ENTHD1: variants seen among roughly 807,000 people sequenced by gnomAD.
The protein encoded by ENTHD1 is ENTH domain-containing protein 1.
Under a neutral mutation model 39.1 loss-of-function variants are expected in ENTHD1, and 23 were observed. The ratio of observed to expected loss-of-function variants is 0.59; its 90% CI spans 0.42 to 0.83. The LOEUF (loss-of-function observed/expected upper bound fraction) is 0.83. ENTHD1 is among the 40% of genes least tolerant of loss of function. The pLI is 0.00. For synonymous variants in ENTHD1, 230 were observed against 258.2 expected (o/e 0.89, Z 1.05); for missense variants, 624 against 705.4 (o/e 0.88, Z 1.31).
rs1459550708 is a variant in ENTHD1 at position 39,743,566 on chromosome 22, A to G, written c.*113T>C. On this transcript the variant is annotated 3_prime_UTR_variant, in exon 7 of 7. Coordinates refer to ENST00000325157, the MANE Select transcript of ENTHD1 (RefSeq NM_152512.4). ...ATACTTGCTAATAAACCTGACAAGGAAAAATTAAACCATCCCCTTTTTTGC... is the reference window on the plus strand; with the variant it reads ...ATACTTGCTAATAAACCTGACAAGGGAAAATTAAACCATCCCCTTTTTTGC... The G allele has an allele frequency of 2.3e-6, 3 of 1,287,610 alleles. No homozygotes were observed. The East Asian group carries it at 7.6e-5, about 32-fold the overall frequency. The allele number at this position is 1,287,610 out of a possible 1,614,324, so 79.8% of individuals were successfully genotyped here.
chr22:39,749,535 A>T (rs2065132284), intron 6 of ENTHD1, among the ~76,000 whole-genome samples: 1 of 152,218 alleles, frequency 6.6e-6, no homozygotes, highest in East Asian at 1.9e-4. Context: ...AATAATTAAA[A>T]ACTCTTATGA....
At position 39,875,664 on chromosome 22, in the gene ENTHD1, T is replaced by C. The variant is rs1376411235; in HGVS notation, c.349+11736A>G. ...GTAACTGGAGTAACTACTGTGGGTGTCGCATATGCTGCCAAGAATGCCGTC... is the reference window on the plus strand; with the variant it reads ...GTAACTGGAGTAACTACTGTGGGTGCCGCATATGCTGCCAAGAATGCCGTC... On this transcript the variant is annotated intron_variant, in intron 2 of 6. Transcript: ENST00000325157. 49 of 1,612,040 alleles carry C rather than the reference T, an allele frequency of 3.0e-5. 1 individual carries two copies. Among genetic ancestry groups the C allele is most frequent in the Non-Finnish European group, 3.9e-5 (46 of 1,179,098 alleles).
chr22:39,825,114 A>G (rs2065816645), intron 4 of ENTHD1, among the ~76,000 whole-genome samples: 1 of 152,174 alleles, frequency 6.6e-6, no homozygotes, highest in African/African-American at 2.4e-5. Context: ...ATAATTCTCA[A>G]CATATGGACT....
intron 6 of ENTHD1, chr22:39,750,091 G>T: frequency 5.1e-6 from 1 of 195,190 alleles, no homozygotes; most frequent in Admixed American, 4.7e-5. Flanking sequence ...TCCTTGAATT[G>T]GCTTCTGTAT....
Position 39,744,182 on chromosome 22 carries a change from G to T in ENTHD1, c.1321C>A (p.Leu441Met). The change falls in exon 7 of 7, where the codon CTG becomes ATG. Residue 441 changes from leucine to methionine, a missense_variant. Leu to Met is a conservative substitution (Grantham distance 15, BLOSUM62 2). Transcript: ENST00000325157. ...AGAGTCCAGAAGGAAGGTCCGGCCAGAATTGGTGATAAGAGATGAGCTGAC... is the reference window on the plus strand; with the variant it reads ...AGAGTCCAGAAGGAAGGTCCGGCCATAATTGGTGATAAGAGATGAGCTGAC... ...EKSAHLLSPI[L>M]AGPSFWTLSH... 6.2e-7 allele frequency: 1 copy of T among 1,614,140 alleles called. No individual in the cohort carries two copies. The highest frequency in any genetic ancestry group is 8.5e-7 in the Non-Finnish European group (1 of 1,179,990).
At chr22:39,754,550 C>T (rs1215397831) in intron 6 of ENTHD1, among the ~76,000 whole-genome samples, 2 of 152,222 alleles carry the variant, frequency 1.3e-5, no homozygotes, top group Non-Finnish European at 2.9e-5. Context: ...CACACAAAGG[C>T]TCAATACATC....
chr22:39,750,238 T>G (rs1022630195), intron 6 of ENTHD1: 1 of 189,910 alleles, frequency 5.3e-6, no homozygotes, highest in Non-Finnish European at 1.2e-5. Context: ...GTTAGAACCT[T>G]GTTGAAGGCA....
chr22:39,826,091 C>G (rs147840040), intron 4 of ENTHD1, among the ~76,000 whole-genome samples: 1 of 152,294 alleles, frequency 6.6e-6, no homozygotes, highest in African/African-American at 2.4e-5. Context: ...CCATGTTGGC[C>G]AGGCTGGTCT....
intron 5 of ENTHD1, among the ~76,000 whole-genome samples, chr22:39,811,138 G>T (rs1178479393): frequency 6.6e-6 from 1 of 152,216 alleles, no homozygotes; most frequent in East Asian, 1.9e-4. Flanking sequence ...CCACTGGTCT[G>T]GAGCATGTCA....
chr22:39,808,606 T>A (rs1013013842), intron 5 of ENTHD1, among the ~76,000 whole-genome samples: 1 of 152,242 alleles, frequency 6.6e-6, no homozygotes, highest in Non-Finnish European at 1.5e-5. Context: ...AGGGGTTGTA[T>A]GACATTGTTA....
At chr22:39,857,122 T>G (rs552539156) in intron 3 of ENTHD1, among the ~76,000 whole-genome samples, 1 of 152,194 alleles carries the variant, frequency 6.6e-6, no homozygotes, top group Admixed American at 6.5e-5. Flanking sequence ...GTCATAAAGA[T>G]GGAGAATATC....
intron 6 of ENTHD1, among the ~76,000 whole-genome samples, chr22:39,763,451 A>G (rs2065251328): frequency 6.6e-6 from 1 of 152,108 alleles, no homozygotes; most frequent in Non-Finnish European, 1.5e-5. Flanking sequence ...TGAAAGCTCA[A>G]ACTCCTACCG....
chr22:39,837,337 G>C (rs1451378881), intron 3 of ENTHD1, among the ~76,000 whole-genome samples: 1 of 152,146 alleles, frequency 6.6e-6, no homozygotes, highest in Non-Finnish European at 1.5e-5. Flanking sequence ...ACCAAAAACT[G>C]ATCTGCCTGA....
intron 5 of ENTHD1, among the ~76,000 whole-genome samples, chr22:39,786,164 T>A (rs2146593404): frequency 6.6e-6 from 1 of 152,266 alleles, no homozygotes; most frequent in East Asian, 1.9e-4. Context: ...TCCATTCTAC[T>A]CCCTGTCTTC....
chr22:39,893,042 C>T (rs1008336659), intron 1 of ENTHD1, among the ~76,000 whole-genome samples: 1 of 152,166 alleles, frequency 6.6e-6, no homozygotes, highest in African/African-American at 2.4e-5. Flanking sequence ...ACAGTCCTCA[C>T]ACCCTGGAGT....
Position 39,867,418 on chromosome 22 carries a change from C to A in ENTHD1, c.350-5411G>T, listed in dbSNP as rs2066192894. Among the ~76,000 whole-genome samples, 1 of 151,974 alleles carries A rather than the reference C, an allele frequency of 6.6e-6. No homozygotes were observed. The highest frequency in any genetic ancestry group is 1.5e-5 in the Non-Finnish European group (1 of 67,984). On this transcript the variant is annotated intron_variant, in intron 2 of 6. Coordinates refer to ENST00000325157, the MANE Select transcript of ENTHD1 (RefSeq NM_152512.4). The surrounding 1 kb of genome is among the most constrained non-coding windows in gnomAD (Gnocchi z 4.5). ...TGCCCTACCAAAATCTACTCTTCTT[C>A]CCATATTCCTTTCTCGGTGACTTTT... is the stretch of plus-strand genomic sequence containing the variant.
At chr22:39,798,578 T>C in intron 5 of ENTHD1, among the ~76,000 whole-genome samples, 1 of 152,190 alleles carries the variant, frequency 6.6e-6, no homozygotes. Flanking sequence ...TGGCAAGCTT[T>C]TTCTCGGGAC....
rs770151688 is a variant in ENTHD1, at chr22:39,835,868, A to C, written c.683T>G (p.Leu228Arg). Residue 228 changes from leucine to arginine, a missense_variant, in exon 4 of 7, where the codon CTC (leucine) becomes CGC (arginine). Leu to Arg is a moderately radical substitution (Grantham distance 102, BLOSUM62 -2). Transcript: ENST00000325157. ...ETMLSQETLP[L>R]KIHGWKSTED... ...TGTTGATTTCCAACCATGAATCTTG[A>C]GTGGAAGTGTTTCCTGGGACAACAT... 3.1e-6 allele frequency: 5 copies of C among 1,609,102 alleles called. No homozygotes were observed. The highest frequency in any genetic ancestry group is 4.2e-6 in the Non-Finnish European group (5 of 1,177,350).
intron 5 of ENTHD1, among the ~76,000 whole-genome samples, chr22:39,807,623 T>C (rs1268371881): frequency 6.6e-6 from 1 of 151,476 alleles, no homozygotes; most frequent in African/African-American, 2.5e-5. Context: ...GCCTCTCACA[T>C]TGTTCATGCT....
Sources: allele counts gnomAD v4.1 joint callset (sites outside exome capture counted in the v4.1 genomes callset), GRCh38; gene constraint gnomAD v4.1.1; non-coding constraint Gnocchi (gnomAD v3.1); transcripts MANE v1.5; gene names NCBI Gene and HGNC (gene_info 2026-07-23, HGNC 2026-07-21).